USH2A: variants seen among roughly 807,000 people sequenced by gnomAD.
The protein encoded by USH2A is Usher syndrome 2A (autosomal recessive, mild).
A neutral mutation model predicts 538.9 loss-of-function variants in USH2A; 443 were observed. That is an observed-to-expected ratio of 0.82 (90% CI 0.76 to 0.89). USH2A has a LOEUF of 0.89. Ranked by LOEUF, USH2A falls within the 40% of genes least tolerant of loss-of-function variation. USH2A has a pLI of 0.00. For missense variants in USH2A, 6,633 were observed against 6,324.8 expected, an observed-to-expected ratio of 1.05 and a Z score of -1.65; for synonymous variants, 2,413 against 2,273.5, an observed-to-expected ratio of 1.06 and a Z score of -1.75.
intron 37 of USH2A, among the ~76,000 whole-genome samples, chr1:215,962,585 T>C (rs758581554): frequency 6.6e-6 from 1 of 152,054 alleles, no homozygotes; most frequent in Non-Finnish European, 1.5e-5. Context: ...GTATCATTAG[T>C]ATAAAATGTT....
At chr1:215,658,534 G>T (rs1553251075) in intron 64 of USH2A, among the ~76,000 whole-genome samples, 2 of 152,128 alleles carry the variant, frequency 1.3e-5, no homozygotes, top group Non-Finnish European at 2.9e-5. Context: ...TGACATAAAA[G>T]CCCAAACTCT....
intron 50 of USH2A, among the ~76,000 whole-genome samples, chr1:215,794,601 A>G (rs1004300484): frequency 2.0e-5 from 3 of 152,228 alleles, no homozygotes; most frequent in African/African-American, 7.2e-5. Context: ...TGCAACCTGC[A>G]GAAAGAAAGT....
In USH2A at chr1:215,766,715, AG is replaced by A. The variant is rs1558088760; in HGVS notation, c.11012del (p.Pro3671LeufsTer3). 1.2e-6 allele frequency: 2 copies of A among 1,613,688 alleles called. No individual in the cohort carries two copies. The highest frequency in any genetic ancestry group is 3.3e-5 in the Admixed American group (2 of 60,010). ...CTGCCTGCAGTGTCTGACCTAGAAA[AG>A]GCTCGCTTGAAGTGCACCCAGCAGA... is the stretch of plus-strand genomic sequence containing the variant. ...CTSAGCTSSE[P>X]FLGQTLQAAP... On this transcript the variant is annotated frameshift_variant, in exon 56 of 72. Coordinates refer to ENST00000307340, the MANE Select transcript of USH2A (RefSeq NM_206933.4). LOFTEE classifies it high-confidence loss of function.
intron 58 of USH2A, 65 bp from the exon 59 acceptor site, chr1:215,743,400 G>GTATA (rs1290938328): frequency 5.5e-5 from 24 of 437,986 alleles, no homozygotes; most frequent in South Asian, 8.2e-5. Flanking sequence ...GTGTGTGTGT[G>GTATA]TGTGTGTGTG....
At position 215,728,246 on chromosome 1, in the gene USH2A, T is replaced by C. The variant is rs2102713626; in HGVS notation, c.11850A>G (p.Ser3950=). ...GTGTTAATGACCACAGACTCTCCAC[T>C]GAACCCTTGGAGTTACAGGCTCTGA... The part of the protein sequence containing the change: ...YRVRACNSKG[S]VESLWSLTQT... Residue 3950 remains serine (S), a synonymous_variant, in exon 61 of 72, where the codon TCA becomes TCG. Transcript: ENST00000307340. The C allele has an allele frequency of 6.2e-7, 1 of 1,614,184 alleles. No homozygotes were observed.
intron 37 of USH2A, among the ~76,000 whole-genome samples, chr1:215,962,660 C>T (rs76952619): frequency 0.08 from 1,836 of 22,976 alleles, 38 homozygotes; most frequent in Admixed American, 0.25. Context: ...TTTATGTATA[C>T]ACACACACAC....
chr1:216,401,482 CAGAGATTAGCAG>C (rs763098757), intron 3 of USH2A, among the ~76,000 whole-genome samples: 98 of 152,028 alleles, frequency 6.4e-4, no homozygotes, highest in Non-Finnish European at 1.1e-3. Context: ...AAATAAATGA[CAGAGATTAGCAG>C]AGTGTATTAG....
intron 4 of USH2A, among the ~76,000 whole-genome samples, chr1:216,360,658 C>G (rs2102702993): frequency 2.0e-5 from 3 of 151,850 alleles, no homozygotes; most frequent in Admixed American, 2.0e-4. Flanking sequence ...TACTGGAACT[C>G]TCTATACTTT....
intron 64 of USH2A, among the ~76,000 whole-genome samples, chr1:215,668,647 G>A (rs1429890476): frequency 6.6e-6 from 1 of 152,198 alleles, no homozygotes. Context: ...CCTCTGAAAT[G>A]TGGGTCCCTT....
chr1:215,816,520 G>T (rs1662861720), intron 48 of USH2A, among the ~76,000 whole-genome samples: 2 of 151,846 alleles, frequency 1.3e-5, no homozygotes, highest in African/African-American at 4.8e-5. Flanking sequence ...ATTTTGTGTT[G>T]TTTGTCAATA....
In USH2A at chr1:215,993,122, G is replaced by GGGCCTCACT; in HGVS notation, c.6694_6702dup (p.Ser2232_Ala2234dup). 1 of 1,614,010 alleles carries GGGCCTCACT rather than the reference G, an allele frequency of 6.2e-7. No individual in the cohort carries two copies. Among genetic ancestry groups the GGGCCTCACT allele is most frequent in the South Asian group, 1.1e-5 (1 of 91,080 alleles). On this transcript the variant is annotated inframe_insertion, in exon 35 of 72. Coordinates refer to ENST00000307340, the MANE Select transcript of USH2A (RefSeq NM_206933.4). ...CCTTCGGGTATGTCCTCGTCAGTTA[G>GGGCCTCACT]GGCCTCACTGGCCTCACTCACTGTG...
At chr1:216,211,812 C>T (rs183080553) in intron 15 of USH2A, among the ~76,000 whole-genome samples, 2 of 151,704 alleles carry the variant, frequency 1.3e-5, no homozygotes, top group East Asian at 2.0e-4. Flanking sequence ...TCACTTTGAT[C>T]GGTTGAACAC....
rs182882575 is a variant in USH2A at position 215,924,443 on chromosome 1, G to A, written c.7300+10173C>T. ...TGAGTATTTATATAGGCAGGTAAAT[G>A]TTCATAGAATTTTATGCAAGTCAGG... is the stretch of plus-strand genomic sequence containing the variant. On this transcript the variant is annotated intron_variant, in intron 38 of 71. Coordinates refer to ENST00000307340, the MANE Select transcript of USH2A (RefSeq NM_206933.4). Among the ~76,000 whole-genome samples, 683 of 152,092 alleles carry A rather than the reference G, an allele frequency of 4.5e-3. 21 individuals are homozygous for A. The highest frequency in any genetic ancestry group is 0.041 in the Admixed American group (625 of 15,248).
chr1:215,792,285 C>T (rs11120632), intron 50 of USH2A, among the ~76,000 whole-genome samples: 1 of 151,916 alleles, frequency 6.6e-6, no homozygotes, highest in Non-Finnish European at 1.5e-5. Flanking sequence ...AAAAAAGATG[C>T]CTTCTTTCAC....
intron 61 of USH2A, among the ~76,000 whole-genome samples, chr1:215,695,765 GTTTT>G (rs869123475): frequency 1.5e-5 from 2 of 134,534 alleles, no homozygotes; most frequent in Admixed American, 7.6e-5. Flanking sequence ...TTGTTTGTTT[GTTTT>G]TTGAGACAGA....
intron 4 of USH2A, among the ~76,000 whole-genome samples, chr1:216,346,802 G>T (rs558904796): frequency 1.1e-4 from 16 of 151,870 alleles, no homozygotes; most frequent in Middle Eastern, 6.8e-3. Context: ...CCACCCTGAA[G>T]CCAGTAATCC....
intron 14 of USH2A, among the ~76,000 whole-genome samples, chr1:216,222,408 A>G (rs2035474842): frequency 6.6e-6 from 1 of 152,222 alleles, no homozygotes; most frequent in Non-Finnish European, 1.5e-5. Flanking sequence ...ACTCTGGTAG[A>G]GCAGGTCATA....
chr1:215,660,933 G>T (rs988233425), intron 64 of USH2A, among the ~76,000 whole-genome samples: 1 of 152,124 alleles, frequency 6.6e-6, no homozygotes, highest in Non-Finnish European at 1.5e-5. Context: ...TAACATTTTT[G>T]TTTCCACCTG....
intron 49 of USH2A, among the ~76,000 whole-genome samples, chr1:215,804,858 A>G (rs1571703737): frequency 1.3e-5 from 2 of 152,296 alleles, no homozygotes; most frequent in African/African-American, 2.4e-5. Flanking sequence ...GGCACTATTC[A>G]CAATAGCAAA....
Sources: allele counts gnomAD v4.1 joint callset (sites outside exome capture counted in the v4.1 genomes callset), GRCh38; gene constraint gnomAD v4.1.1; transcripts MANE v1.5; gene names NCBI Gene and HGNC (gene_info 2026-07-23, HGNC 2026-07-21).